The following PES1 variants were observed in gnomAD, a reference collection of about 807,000 sequenced individuals.
The protein encoded by PES1 is pescadillo homolog.
PES1 carries 31 observed loss-of-function variants against 77.1 expected under a neutral mutation model. The ratio of observed to expected loss-of-function variants is 0.40; its 90% CI spans 0.30 to 0.54. PES1 has a LOEUF of 0.54. PES1 is among the 20% of genes least tolerant of loss of function. The pLI is 0.45. For missense variants in PES1, 658 were observed against 771.7 expected (o/e 0.85, Z 1.75); for synonymous variants, 282 against 303.0 (o/e 0.93, Z 0.72).
Position 30,583,934 on chromosome 22 carries a change from G to A in PES1, c.630+431C>T, listed in dbSNP as rs191006503. On this transcript the variant is annotated intron_variant, in intron 6 of 14. Transcript: ENST00000354694. ...ACTTGGCCAAGGTCTGGCAGCTATCGGCAGCAAAGCAGGGACGAGGAGCCC... is the reference window on the plus strand; with the variant it reads ...ACTTGGCCAAGGTCTGGCAGCTATCAGCAGCAAAGCAGGGACGAGGAGCCC... 1.5e-3 allele frequency among the ~76,000 whole-genome samples: 234 copies of A among 152,366 alleles called. 5 individuals are homozygous for A. The East Asian group carries it at 0.033, about 21-fold the overall frequency.
chr22:30,599,463 G>T lies in PES1; in HGVS notation c.-661+5998C>A, dbSNP rs1361284131. On this transcript the variant is annotated intron_variant, in intron 2 of 16. Coordinates refer to the PES1 transcript ENST00000402281. ...TATAACTAGTTTAATAGGAAACAGCGAAATCTTCCGAGTTATCAACAAAAT... is the reference window on the plus strand; with the variant it reads ...TATAACTAGTTTAATAGGAAACAGCTAAATCTTCCGAGTTATCAACAAAAT... Among the ~76,000 whole-genome samples the T allele has an allele frequency of 2.0e-5, 3 of 152,068 alleles. No homozygotes were observed. In the East Asian group the frequency reaches 5.8e-4, roughly 29 times the overall value.
At chr22:30,587,983 C>A in intron 3 of PES1, 38 bp downstream of exon 3, 2 of 1,604,712 alleles carry the variant, frequency 1.2e-6, no homozygotes, top group Non-Finnish European at 1.7e-6. Context: ...CACAGAGCTG[C>A]GATGAGAACC....
intron 2 of PES1, among the ~76,000 whole-genome samples, chr22:30,598,960 G>T (rs954293338): frequency 8.4e-6 from 1 of 119,518 alleles, no homozygotes; most frequent in Non-Finnish European, 1.6e-5. Context: ...GCAGTGGTGC[G>T]ATCTTGGCTC....
At position 30,581,083 on chromosome 22, in the gene PES1, C is replaced by T; in HGVS notation, c.841G>A (p.Ala281Thr). ...SCMEKLAALSASLARVVVPAT... is the reference protein window; with the variant it reads ...SCMEKLAALSTSLARVVVPAT... Reference sequence around the variant, plus strand: ...GGCACCACCACGCGGGCCAGGCTGGCACTGAGGGCTGCCAGTTTCTACAGG... The same window carrying T: ...GGCACCACCACGCGGGCCAGGCTGGTACTGAGGGCTGCCAGTTTCTACAGG... The change falls in exon 9 of 15, where the codon GCC becomes ACC. Residue 281 changes from alanine (A) to threonine (T), a missense_variant. Ala to Thr is a moderately conservative substitution (Grantham distance 58). Transcript: ENST00000354694. 6.2e-7 allele frequency: 1 copy of T among 1,608,998 alleles called. No individual in the cohort carries two copies. The highest frequency in any genetic ancestry group is 1.3e-5 in the African/African-American group (1 of 74,912).
chr22:30,580,960 C>T, intron 9 of PES1, 52 bp downstream of exon 9: 1 of 1,491,578 alleles, frequency 6.7e-7, no homozygotes, highest in Non-Finnish European at 9.3e-7. Flanking sequence ...GCTGGGAAAC[C>T]CCCCACACGA....
chr22:30,591,992 G>A, upstream of PES1: 5 of 1,365,806 alleles, frequency 3.7e-6, no homozygotes, highest in South Asian at 1.8e-5. Flanking sequence ...GGAAAGATGG[G>A]GATTTCCTCC....
chr22:30,581,068 C>G lies in PES1; in HGVS notation c.856G>C (p.Val286Leu). Residue 286 changes from valine (V) to leucine (L), a missense_variant, in exon 9 of 15, where the codon GTG (valine) becomes CTG (leucine). Coordinates refer to ENST00000354694, the MANE Select transcript of PES1 (RefSeq NM_014303.4). ...LAALSASLAR[V>L]VVPATEEEAE... The stretch of plus-strand genomic sequence containing the variant: ...TCCTCCTCTGTGGCAGGCACCACCA[C>G]GCGGGCCAGGCTGGCACTGAGGGCT... 6.2e-7 allele frequency: 1 copy of G among 1,611,476 alleles called. No individual in the cohort carries two copies. The highest frequency in any genetic ancestry group is 8.5e-7 in the Non-Finnish European group (1 of 1,179,288).
Position 30,587,348 on chromosome 22 carries a change from G to C in PES1, c.306C>G (p.Asn102Lys), listed in dbSNP as rs778174821. The C allele has an allele frequency of 6.2e-7, 1 of 1,613,906 alleles. No homozygotes were observed. Among genetic ancestry groups the C allele is most frequent in the Non-Finnish European group, 8.5e-7 (1 of 1,179,948 alleles). Residue 102 changes from asparagine to lysine, a missense_variant, in exon 4 of 15, where the codon AAC becomes AAG. Asn to Lys is a moderately conservative substitution (Grantham distance 94). Transcript: ENST00000354694. ...TATTGTCCTTTAAACGCTCTACAGT[G>C]TTCCACTCGCTCTTCCCATAAGCCT... The part of the protein sequence containing the change: ...LRKAYGKSEW[N>K]TVERLKDNKP...
chr22:30,579,568 A>C, intron 12 of PES1, 183 bp downstream of exon 12: 1 of 691,388 alleles, frequency 1.4e-6, no homozygotes, highest in South Asian at 1.9e-5. Flanking sequence ...AGTCATCCTG[A>C]ACGTCAAATA....
In PES1 at chr22:30,579,023, T is replaced by C. The variant is rs201382865; in HGVS notation, c.1522-25A>G. 2.5e-6 allele frequency: 4 copies of C among 1,606,564 alleles called. No individual in the cohort carries two copies. The African/African-American group carries it at 5.3e-5, about 21-fold the overall frequency. ...TCTGGGGACACAAGGAGGGTGCTTA[T>C]GGGGGCAGGTTCTCCCGACCTCCAC... On this transcript the variant is annotated intron_variant, in intron 13 of 14. Transcript: ENST00000354694.
intron 2 of PES1, among the ~76,000 whole-genome samples, chr22:30,598,714 C>T (rs954843418): frequency 5.3e-5 from 8 of 151,960 alleles, no homozygotes; most frequent in Admixed American, 5.3e-4. Context: ...CAGGCATGAA[C>T]CACCACAACC....
Position 30,591,862 on chromosome 22 carries a change from C to G in PES1, c.-29G>C. On this transcript the variant is annotated 5_prime_UTR_variant, in exon 1 of 15. Coordinates refer to ENST00000354694, the MANE Select transcript of PES1 (RefSeq NM_014303.4). ...TCCACGTTGAGGAGCCGACTAGGGC[C>G]GCGCGTACAGGGAGCTCCACTTCCT... is the stretch of plus-strand genomic sequence containing the variant. 1 of 1,547,364 alleles carries G rather than the reference C, an allele frequency of 6.5e-7. No homozygotes were observed. Among genetic ancestry groups the G allele is most frequent in the Non-Finnish European group, 8.7e-7 (1 of 1,146,852 alleles).
chr22:30,590,414 CG>C (rs2087159499), intron 1 of PES1, among the ~76,000 whole-genome samples: 1 of 152,178 alleles, frequency 6.6e-6, no homozygotes, highest in East Asian at 1.9e-4. Context: ...CCCACAGGTA[CG>C]TTTACTAATA....
intron 2 of PES1, among the ~76,000 whole-genome samples, chr22:30,599,786 G>A (rs1407584851): frequency 1.3e-5 from 2 of 152,148 alleles, no homozygotes; most frequent in Non-Finnish European, 2.9e-5. Flanking sequence ...TGTAATCACA[G>A]CTACTCGGGA....
intron 2 of PES1, 104 bp from the exon 3 acceptor site, chr22:30,588,278 C>A: frequency 7.3e-7 from 1 of 1,371,496 alleles, no homozygotes; most frequent in Non-Finnish European, 1.0e-6. Context: ...AACATGGGGT[C>A]CCTGCCCTTA....
intron 1 of PES1, among the ~76,000 whole-genome samples, chr22:30,589,659 G>A (rs73881484): frequency 0.17 from 25,931 of 150,670 alleles, 2,327 homozygotes; most frequent in African/African-American, 0.2. Context: ...AAACGGGCTC[G>A]TAAAATAACC....
chr22:30,578,701 G>C (rs2086936781), intron 14 of PES1, 136 bp downstream of exon 14: 2 of 1,030,098 alleles, frequency 1.9e-6, no homozygotes, highest in African/African-American at 1.6e-5. Context: ...GGCTGGGCTG[G>C]GCCAGGCAGG....
At chr22:30,606,946 AGACAGGCACGGTCG>A (rs1402264933) in exon 1 of PES1, 1 of 1,001,224 alleles carries the variant, frequency 1.0e-6, no homozygotes, top group African/African-American at 1.7e-5. Context: ...GGGGGACAGC[AGACAGGCACGGTCG>A]GACAGACTTG....
intron 2 of PES1, among the ~76,000 whole-genome samples, chr22:30,602,911 TTG>T (rs61098443): frequency 8.6e-5 from 13 of 150,896 alleles, no homozygotes; most frequent in Middle Eastern, 3.4e-3. Flanking sequence ...TGAAAGCAAT[TTG>T]TGTGTGTGTG....
Sources: allele counts gnomAD v4.1 joint callset (sites outside exome capture counted in the v4.1 genomes callset), GRCh38; gene constraint gnomAD v4.1.1; transcripts MANE v1.5; gene names NCBI Gene and HGNC (gene_info 2026-07-23, HGNC 2026-07-21).